The following DHX16 variants were observed in gnomAD, a reference collection of about 807,000 sequenced individuals.
The protein encoded by DHX16 is pre-mRNA-splicing factor ATP-dependent RNA helicase DHX16.
Under a neutral mutation model 131.2 loss-of-function variants are expected in DHX16, and 81 were observed. The observed-to-expected ratio is 0.62, with a 90% confidence interval of 0.52 to 0.74. DHX16 has a LOEUF of 0.74. Among genes scored for constraint, DHX16 ranks in the 30% least tolerant of loss-of-function variants. The pLI is 0.00. For missense variants in DHX16, 980 were observed against 1,363.1 expected, an observed-to-expected ratio of 0.72 and a Z score of 4.43; for synonymous variants, 440 against 520.2, an observed-to-expected ratio of 0.85 and a Z score of 2.10.
chr6:30,671,153 G>C lies in DHX16; in HGVS notation c.329C>G (p.Thr110Ser), dbSNP rs1388585461. The C allele has an allele frequency of 6.2e-7, 1 of 1,612,898 alleles. No homozygotes were observed. Among genetic ancestry groups the C allele is most frequent in the East Asian group, 2.2e-5 (1 of 44,886 alleles). Residue 110 changes from threonine to serine, a missense_variant, in exon 2 of 20, where the codon ACT becomes AGT. Around this residue, in one of 3 missense-constraint regions of DHX16, gnomAD observed 457 missense variants for 554.8 expected, o/e 0.82. Coordinates refer to ENST00000376442, the MANE Select transcript of DHX16 (RefSeq NM_003587.5). ...GAGGCTGCTTCCAGCCCTACTCACA[G>C]TCTCCTCACTGCTCTCTTCACTGTC... is the stretch of plus-strand genomic sequence containing the variant. The part of the protein sequence containing the change: ...LEDSEESSEE[T>S]VSRAGSSLQK...
In DHX16 at chr6:30,670,515, C is replaced by G. The variant is rs754361200; in HGVS notation, c.610-49G>C. The G allele has an allele frequency of 1.8e-5, 28 of 1,569,888 alleles. No individual in the cohort carries two copies. The highest frequency in any genetic ancestry group is 2.4e-5 in the Non-Finnish European group (28 of 1,147,504). On this transcript the variant is annotated intron_variant, in intron 3 of 19. Transcript: ENST00000376442. This position sits in a 1 kb window ranked among gnomAD's most constrained non-coding sequence, Gnocchi z 4.4. ...GGGGTGTGAGGCCAAAGAGCCCCCA[C>G]ACTGACAGCTGCTCCCCTCTAGAAT...
chr6:30,661,800 T>C (rs1424955321), intron 9 of DHX16: 1 of 717,868 alleles, frequency 1.4e-6, no homozygotes, highest in Admixed American at 2.0e-5. Flanking sequence ...CAAAGCAGGC[T>C]GGCTCGATGG....
intron 4 of DHX16, among the ~76,000 whole-genome samples, chr6:30,668,492 C>T (rs551963513): frequency 2.6e-5 from 4 of 151,646 alleles, no homozygotes; most frequent in African/African-American, 9.7e-5. Context: ...CTCTACTAAA[C>T]ATACAAAAAT....
At chr6:30,661,751 C>T (rs1249472171) in intron 9 of DHX16, 2 of 717,592 alleles carry the variant, frequency 2.8e-6, no homozygotes, top group Admixed American at 2.0e-5. Context: ...CTCTTTGTGC[C>T]TAACCCTAAC....
At chr6:30,672,142 CTAAAAA>C (rs781293989) in intron 1 of DHX16, among the ~76,000 whole-genome samples, 1 of 151,372 alleles carries the variant, frequency 6.6e-6, no homozygotes, top group African/African-American at 2.4e-5. Flanking sequence ...GGCCTCATCT[CTAAAAA>C]TAAAAATAAA....
Position 30,655,213 on chromosome 6 carries a change from G to C in DHX16, c.2785C>G (p.Leu929Val), listed in dbSNP as rs755630229. The C allele has an allele frequency of 6.2e-7, 1 of 1,614,166 alleles. No homozygotes were observed. The highest frequency in any genetic ancestry group is 8.5e-7 in the Non-Finnish European group (1 of 1,180,034). The part of the protein sequence containing the change: ...EGLLERVEVG[L>V]SSCQGDYIRV... ...ATATAGTCCCCCTGGCAGGAACTGA[G>C]ACCAACTTCCACACGTTCCAAGAGC... The change falls in exon 18 of 20, where the codon CTC becomes GTC. Residue 929 changes from leucine to valine, a missense_variant. Leu to Val is a conservative substitution (Grantham distance 32). This residue lies in a region of DHX16 where 214 missense variants were observed against 271.2 expected (regional missense o/e 0.79). Coordinates refer to ENST00000376442, the MANE Select transcript of DHX16 (RefSeq NM_003587.5).
At position 30,656,640 on chromosome 6, in the gene DHX16, C is replaced by G. The variant is rs1241654205; in HGVS notation, c.2268G>C (p.Gln756His). 1 of 1,614,160 alleles carries G rather than the reference C, an allele frequency of 6.2e-7. No individual in the cohort carries two copies. The highest frequency in any genetic ancestry group is 8.5e-7 in the Non-Finnish European group (1 of 1,180,028). ...ELEETTVPEIQRTSLGNVVLL... is the reference protein window; with the variant it reads ...ELEETTVPEIHRTSLGNVVLL... The stretch of plus-strand genomic sequence containing the variant: ...ACACGACATTGCCCAAGCTGGTCCT[C>G]TGGATCTCAGGCACTGTGGTTTCCT... The change falls in exon 14 of 20, where the codon CAG becomes CAC. Residue 756 changes from glutamine (Q) to histidine (H), a missense_variant. Gln to His is a conservative substitution (Grantham distance 24, BLOSUM62 0). Coordinates refer to ENST00000376442, the MANE Select transcript of DHX16 (RefSeq NM_003587.5). The surrounding 1 kb of genome is among the most constrained non-coding windows in gnomAD (Gnocchi z 5.1).
In DHX16 at chr6:30,670,206, C is replaced by T. The variant is rs1319267736; in HGVS notation, c.666+204G>A. On this transcript the variant is annotated intron_variant, in intron 4 of 19. Coordinates refer to ENST00000376442, the MANE Select transcript of DHX16 (RefSeq NM_003587.5). The surrounding 1 kb of genome is among the most constrained non-coding windows in gnomAD (Gnocchi z 4.4). Reference sequence around the variant, plus strand: ...GAGGACTTATGGGTAGCCTCCTTCCCCCTACAACTTAAGAAGGATCCTTCC... The same window carrying T: ...GAGGACTTATGGGTAGCCTCCTTCCTCCTACAACTTAAGAAGGATCCTTCC... 9.9e-5 allele frequency among the ~76,000 whole-genome samples: 15 copies of T among 152,060 alleles called. No homozygotes were observed. The highest frequency in any genetic ancestry group is 1.5e-5 in the Non-Finnish European group (1 of 68,014).
chr6:30,670,529 C>G lies in DHX16; in HGVS notation c.610-63G>C. On this transcript the variant is annotated intron_variant, in intron 3 of 19. Coordinates refer to ENST00000376442, the MANE Select transcript of DHX16 (RefSeq NM_003587.5). The surrounding 1 kb of genome is among the most constrained non-coding windows in gnomAD (Gnocchi z 4.4). The stretch of plus-strand genomic sequence containing the variant: ...AAGAGCCCCCACACTGACAGCTGCT[C>G]CCCTCTAGAATCACAAGGATCATTC... The G allele has an allele frequency of 6.5e-7, 1 of 1,533,806 alleles. No homozygotes were observed. Among genetic ancestry groups the G allele is most frequent in the Admixed American group, 1.8e-5 (1 of 55,946 alleles).
chr6:30,670,561 G>T lies in DHX16; in HGVS notation c.610-95C>A. Reference sequence around the variant, plus strand: ...AGAATCACAAGGATCATTCAGATGCGCCCTAACACAAAAAATGTCCCCTCT... The same window carrying T: ...AGAATCACAAGGATCATTCAGATGCTCCCTAACACAAAAAATGTCCCCTCT... On this transcript the variant is annotated intron_variant, in intron 3 of 19. Transcript: ENST00000376442. The surrounding 1 kb of genome is among the most constrained non-coding windows in gnomAD (Gnocchi z 4.4). The T allele has an allele frequency of 1.5e-6, 2 of 1,373,052 alleles. No individual in the cohort carries two copies. The highest frequency in any genetic ancestry group is 2.0e-6 in the Non-Finnish European group (2 of 992,408). The allele number at this position is 1,373,052 out of a possible 1,614,324, so 85.1% of individuals were successfully genotyped here.
rs763949291 is a variant in DHX16 at position 30,665,549 on chromosome 6, C to T, written c.851G>A (p.Arg284Gln). 39 of 1,612,926 alleles carry T rather than the reference C, an allele frequency of 2.4e-5. No homozygotes were observed. The highest frequency in any genetic ancestry group is 5.0e-5 in the Admixed American group (3 of 59,998). Reference sequence around the variant, plus strand: ...CAGCTTCTCCTGCTCCCCAGCTGCCCGGTACTCCCGGGCGAGATCCCGCAC... The same window carrying T: ...CAGCTTCTCCTGCTCCCCAGCTGCCTGGTACTCCCGGGCGAGATCCCGCAC... ...RRVRDLAREY[R>Q]AAGEQEKLEA... Residue 284 changes from arginine to glutamine, a missense_variant, in exon 5 of 20, where the codon CGG (arginine) becomes CAG (glutamine). Physicochemically the swap from Arg to Gln is conservative, Grantham distance 43. Transcript: ENST00000376442. The surrounding 1 kb of genome is among the most constrained non-coding windows in gnomAD (Gnocchi z 4.8).
rs1167685554 is a variant in DHX16, at chr6:30,672,866, G to A, written c.-25C>T. On this transcript the variant is annotated 5_prime_UTR_variant, in exon 1 of 20. Transcript: ENST00000376442. Reference sequence around the variant, plus strand: ...TGGCGACTCACGCTCCCTGCTCCCGGCCCTGAAGCGTCGGGCAGCCGCGCT... The same window carrying A: ...TGGCGACTCACGCTCCCTGCTCCCGACCCTGAAGCGTCGGGCAGCCGCGCT... 2 of 1,611,046 alleles carry A rather than the reference G, an allele frequency of 1.2e-6. No homozygotes were observed. Among genetic ancestry groups the A allele is most frequent in the East Asian group, 2.2e-5 (1 of 44,792 alleles).
In DHX16 at chr6:30,670,294, G is replaced by T; in HGVS notation, c.666+116C>A. The T allele has an allele frequency of 9.6e-7, 1 of 1,036,346 alleles. No homozygotes were observed. Among genetic ancestry groups the T allele is most frequent in the South Asian group, 1.7e-5 (1 of 59,852 alleles). The allele number at this position is 1,036,346 out of a possible 1,614,324, so 64.2% of individuals were successfully genotyped here. On this transcript the variant is annotated intron_variant, in intron 4 of 19. Coordinates refer to ENST00000376442, the MANE Select transcript of DHX16 (RefSeq NM_003587.5). The surrounding 1 kb of genome is among the most constrained non-coding windows in gnomAD (Gnocchi z 4.4). ...AACCAAGCCCCTCTTCTAGAAACCT[G>T]ACCACCCCATCAGCATCCACACTGT...
In DHX16 at chr6:30,659,522, A is replaced by G. The variant is rs2127582492; in HGVS notation, c.1957T>C (p.Ser653Pro). The G allele has an allele frequency of 6.2e-7, 1 of 1,609,286 alleles. No homozygotes were observed. Among genetic ancestry groups the G allele is most frequent in the East Asian group, 2.2e-5 (1 of 44,792 alleles). The change falls in exon 12 of 20, where the codon TCT (serine) becomes CCT (proline). Residue 653 changes from serine to proline, a missense_variant. Physicochemically the swap from Ser to Pro is moderately conservative, Grantham distance 74 (BLOSUM62 -1). Around this residue, in one of 3 missense-constraint regions of DHX16, gnomAD observed 309 missense variants for 537.1 expected, o/e 0.58. Transcript: ENST00000376442. The stretch of plus-strand genomic sequence containing the variant: ...TGGAAGATACGGGCCTGCATGTCAG[A>G]GGGCAGATTGGCATAAATGGGCAGC... ...LVLPIYANLP[S>P]DMQARIFQPT...
rs1767960991 is a variant in DHX16, at chr6:30,656,174, G to A, written c.2498+24C>T. Reference sequence around the variant, plus strand: ...GGCCTGGCCTGTTTGTGTGCTGGGGGCCCAGGTGGAGGCGAGGGCTTACTT... The same window carrying A: ...GGCCTGGCCTGTTTGTGTGCTGGGGACCCAGGTGGAGGCGAGGGCTTACTT... On this transcript the variant is annotated intron_variant, in intron 16 of 19. Coordinates refer to ENST00000376442, the MANE Select transcript of DHX16 (RefSeq NM_003587.5). The surrounding 1 kb of genome is among the most constrained non-coding windows in gnomAD (Gnocchi z 5.1). 4 of 1,610,598 alleles carry A rather than the reference G, an allele frequency of 2.5e-6. No individual in the cohort carries two copies. The highest frequency in any genetic ancestry group is 2.2e-5 in the East Asian group (1 of 44,888).
In DHX16 at chr6:30,660,151, G is replaced by C; in HGVS notation, c.1636C>G (p.Leu546Val). 1 of 1,605,872 alleles carries C rather than the reference G, an allele frequency of 6.2e-7. No individual in the cohort carries two copies. Among genetic ancestry groups the C allele is most frequent in the Non-Finnish European group, 8.5e-7 (1 of 1,176,084 alleles). The change falls in exon 10 of 20, where the codon CTC (leucine) becomes GTC (valine). Residue 546 changes from leucine (L) to valine (V), a missense_variant. Transcript: ENST00000376442. ...GTGGCTGAAGCCACCAGGACCTTGA[G>C]CTCAGGTCGGAAGCGAGCAACATCC... ...IKDVARFRPE[L>V]KVLVASATMD...
At position 30,656,935 on chromosome 6, in the gene DHX16, T is replaced by C; in HGVS notation, c.2148+17A>G. The C allele has an allele frequency of 6.2e-7, 1 of 1,607,910 alleles. No homozygotes were observed. Among genetic ancestry groups the C allele is most frequent in the Non-Finnish European group, 8.5e-7 (1 of 1,176,856 alleles). On this transcript the variant is annotated intron_variant, in intron 13 of 19. Coordinates refer to ENST00000376442, the MANE Select transcript of DHX16 (RefSeq NM_003587.5). This position sits in a 1 kb window ranked among gnomAD's most constrained non-coding sequence, Gnocchi z 5.1. Reference sequence around the variant, plus strand: ...GCCAACTCCACCTCCCCCACTCCCATGCATCCCCAGGCTGACCTTGCTGCA... The same window carrying C: ...GCCAACTCCACCTCCCCCACTCCCACGCATCCCCAGGCTGACCTTGCTGCA...
At chr6:30,660,470 T>C (rs960371443) in intron 9 of DHX16, 6 of 426,960 alleles carry the variant, frequency 1.4e-5, no homozygotes, top group Admixed American at 3.9e-5. Flanking sequence ...CAGCAGATAA[T>C]AGGAGACAAG....
chr6:30,672,972 T>C lies in DHX16; in HGVS notation c.-131A>G. 2 of 1,551,978 alleles carry C rather than the reference T, an allele frequency of 1.3e-6. No homozygotes were observed. Among genetic ancestry groups the C allele is most frequent in the Non-Finnish European group, 1.7e-6 (2 of 1,147,186 alleles). On this transcript the variant is annotated 5_prime_UTR_variant, in exon 1 of 20. Transcript: ENST00000376442. ...GTCAGCTACCTTGGGACCTCTAGGATCTTCCGACATCCCAAAGCTGTCTTC... is the reference window on the plus strand; with the variant it reads ...GTCAGCTACCTTGGGACCTCTAGGACCTTCCGACATCCCAAAGCTGTCTTC...
Sources: allele counts gnomAD v4.1 joint callset (sites outside exome capture counted in the v4.1 genomes callset), GRCh38; gene constraint gnomAD v4.1.1; regional missense constraint gnomAD v4.1.1; non-coding constraint Gnocchi (gnomAD v3.1); transcripts MANE v1.5; gene names NCBI Gene and HGNC (gene_info 2026-07-23, HGNC 2026-07-21).